PLEKHH1: variants seen among roughly 807,000 people sequenced by gnomAD.
The protein encoded by PLEKHH1 is pleckstrin homology domain-containing family H member 1.
A neutral mutation model predicts 160.0 loss-of-function variants in PLEKHH1; 104 were observed. The ratio of observed to expected loss-of-function variants is 0.65; its 90% confidence interval spans 0.55 to 0.76. PLEKHH1 has a LOEUF of 0.76. Ranked by LOEUF, PLEKHH1 falls within the 30% of genes least tolerant of loss-of-function variation. PLEKHH1 has a pLI of 0.00. For synonymous variants in PLEKHH1, 619 were observed against 678.4 expected (o/e 0.91, Z 1.36); for missense variants, 1,427 against 1,724.1 (o/e 0.83, Z 3.05).
chr14:67,589,565 A>G lies in PLEKHH1; in HGVS notation c.*2330A>G. On this transcript the variant is annotated 3_prime_UTR_variant, in exon 29 of 29. Transcript: ENST00000329153. ...GTGTGTTTTGGAAGATCTGTTTATT[A>G]ACAGTAAATAAATAAGCCCTGTACA... The G allele has an allele frequency of 1.0e-6, 1 of 985,434 alleles. No homozygotes were observed. The highest frequency in any genetic ancestry group is 1.2e-6 in the Non-Finnish European group (1 of 829,902). 61.0% of individuals were successfully genotyped at this position (985,434 alleles called of 1,614,324 possible).
chr14:67,579,624 T>C, intron 21 of PLEKHH1, 97 bp from the exon 22 acceptor site: 3 of 1,235,478 alleles, frequency 2.4e-6, no homozygotes, highest in South Asian at 1.5e-5. Flanking sequence ...TATTTGCCCT[T>C]GCTCCTTTCC....
At chr14:67,586,864 T>C in intron 28 of PLEKHH1, 2 of 1,513,848 alleles carry the variant, frequency 1.3e-6, no homozygotes, top group East Asian at 2.6e-5. Context: ...ACTGTGCATC[T>C]GAGAGGATCT....
At position 67,563,896 on chromosome 14, in the gene PLEKHH1, GCTAA is replaced by G. The variant is rs1354351785; in HGVS notation, c.1263+1005_1263+1008del. Among the ~76,000 whole-genome samples, 145 of 105,398 alleles carry G rather than the reference GCTAA, an allele frequency of 1.4e-3. 1 individual carries two copies. Among genetic ancestry groups the G allele is most frequent in the Non-Finnish European group, 8.3e-4 (42 of 50,528 alleles). 69.1% of individuals were successfully genotyped at this position (105,398 alleles called of 152,430 possible). ...TTACAGGTGTGTGCCACCATGCCCGGCTAACTGTTTTTTTTTTTTTTCTGAGACA... is the reference window on the plus strand; with the variant it reads ...TTACAGGTGTGTGCCACCATGCCCGGCTGTTTTTTTTTTTTTTCTGAGACA... On this transcript the variant is annotated intron_variant, in intron 7 of 28. Coordinates refer to ENST00000329153, the MANE Select transcript of PLEKHH1 (RefSeq NM_020715.3).
At chr14:67,535,467 G>A (rs1360379910) in intron 1 of PLEKHH1, among the ~76,000 whole-genome samples, 6 of 127,082 alleles carry the variant, frequency 4.7e-5, no homozygotes, top group Middle Eastern at 6.6e-3. Flanking sequence ...TACAACCTCC[G>A]CCTCCAGGGT....
intron 2 of PLEKHH1, among the ~76,000 whole-genome samples, chr14:67,549,708 C>T (rs918375284): frequency 1.3e-5 from 2 of 152,234 alleles, no homozygotes; most frequent in African/African-American, 4.8e-5. Flanking sequence ...GGGGCTACGG[C>T]TCCAGGCTGC....
At position 67,573,870 on chromosome 14, in the gene PLEKHH1, G is replaced by A. The variant is rs377660207; in HGVS notation, c.1909G>A (p.Gly637Ser). Residue 637 changes from glycine (G) to serine (S), a missense_variant, in exon 13 of 29, where the codon GGT becomes AGT. Gly to Ser is a moderately conservative substitution (Grantham distance 56, BLOSUM62 0). Transcript: ENST00000329153. The surrounding 1 kb of genome is among the most constrained non-coding windows in gnomAD (Gnocchi z 4.8). The part of the protein sequence containing the change: ...NSRCQIVRGE[G>S]SQTFQLISEK... ...CCGCTGCCAAATTGTTCGAGGGGAG[G>A]GTTCACAGACGTTTCAGGTGAGCAC... 126 of 1,613,212 alleles carry A rather than the reference G, an allele frequency of 7.8e-5. No individual in the cohort carries two copies. Among genetic ancestry groups the A allele is most frequent in the Non-Finnish European group, 9.3e-5 (110 of 1,179,292 alleles).
chr14:67,564,887 T>C (rs934505564), intron 7 of PLEKHH1, among the ~76,000 whole-genome samples: 2 of 152,066 alleles, frequency 1.3e-5, no homozygotes, highest in Non-Finnish European at 2.9e-5. Flanking sequence ...GGGCTAACAC[T>C]ATGCTGTTGC....
chr14:67,541,686 G>A, intron 1 of PLEKHH1, 148 bp from the exon 2 acceptor site: 2 of 528,338 alleles, frequency 3.8e-6, no homozygotes, highest in Non-Finnish European at 3.2e-6. Flanking sequence ...GGGGCCCTGG[G>A]GATCAGTGAC....
intron 28 of PLEKHH1, chr14:67,586,707 T>TA: frequency 2.5e-6 from 2 of 815,924 alleles, no homozygotes; most frequent in Non-Finnish European, 3.4e-6. Context: ...TTTTTAATCC[T>TA]AAAGTTAGAG....
intron 2 of PLEKHH1, among the ~76,000 whole-genome samples, chr14:67,551,761 C>T (rs1000526191): frequency 2.0e-5 from 3 of 151,880 alleles, no homozygotes; most frequent in South Asian, 2.1e-4. Context: ...TGGTGGTGCA[C>T]GTTTGTAATC....
At chr14:67,545,157 G>A (rs2034126959) in intron 2 of PLEKHH1, among the ~76,000 whole-genome samples, 1 of 152,146 alleles carries the variant, frequency 6.6e-6, no homozygotes, top group Admixed American at 6.5e-5. Context: ...TTTGAAGATG[G>A]GTCATCTGAT....
chr14:67,553,159 G>A (rs771977174), intron 2 of PLEKHH1, among the ~76,000 whole-genome samples: 12 of 152,168 alleles, frequency 7.9e-5, no homozygotes, highest in Middle Eastern at 3.2e-3. Context: ...TCAGCCAATC[G>A]TTTCAGAATG....
rs770626449 is a variant in PLEKHH1 at position 67,577,322 on chromosome 14, C to A, written c.2482C>A (p.Pro828Thr). The A allele has an allele frequency of 1.3e-6, 2 of 1,574,212 alleles. No homozygotes were observed. Among genetic ancestry groups the A allele is most frequent in the African/African-American group, 2.7e-5 (2 of 73,960 alleles). Residue 828 changes from proline to threonine, a missense_variant, in exon 18 of 29, where the codon CCC becomes ACC. Pro to Thr is a conservative substitution (Grantham distance 38). Around this residue, in one of 6 missense-constraint regions of PLEKHH1, gnomAD observed 436 missense variants for 607.5 expected, o/e 0.72. Coordinates refer to ENST00000329153, the MANE Select transcript of PLEKHH1 (RefSeq NM_020715.3). ...GDPDSPLWRH[P>T]MLCYSKDGLY... The stretch of plus-strand genomic sequence containing the variant: ...GGCAGATTCGCCGCTCTGGAGGCAC[C>A]CCATGCTGTGCTACAGCAAAGACGG...
At chr14:67,535,170 G>T (rs781475416) in intron 1 of PLEKHH1, among the ~76,000 whole-genome samples, 13 of 152,318 alleles carry the variant, frequency 8.5e-5, no homozygotes, top group Middle Eastern at 3.4e-3. Context: ...AATGCCTGTA[G>T]ATGCTCTGAA....
Position 67,574,353 on chromosome 14 carries a change from G to A in PLEKHH1, c.2038G>A (p.Ala680Thr), listed in dbSNP as rs771760426. Residue 680 changes from alanine (A) to threonine (T), a missense_variant, in exon 14 of 29, where the codon GCT (alanine) becomes ACT (threonine). By Grantham distance (58) the Ala-to-Thr change is moderately conservative. Coordinates refer to ENST00000329153, the MANE Select transcript of PLEKHH1 (RefSeq NM_020715.3). The surrounding 1 kb of genome is among the most constrained non-coding windows in gnomAD (Gnocchi z 4.2). Reference sequence around the variant, plus strand: ...GAAGGTGCAGGCCACCGGGCCTCCAGCTCTGCTTCGGGGTGGCACCAAGCC... The same window carrying A: ...GAAGGTGCAGGCCACCGGGCCTCCAACTCTGCTTCGGGGTGGCACCAAGCC... ...LLKVQATGPP[A>T]LLRGGTKPTV... 5 of 1,595,846 alleles carry A rather than the reference G, an allele frequency of 3.1e-6. No individual in the cohort carries two copies. The highest frequency in any genetic ancestry group is 4.3e-6 in the Non-Finnish European group (5 of 1,171,332).
At chr14:67,575,652 G>A in intron 15 of PLEKHH1, 171 bp from the exon 16 acceptor site, 9 of 702,618 alleles carry the variant, frequency 1.3e-5, no homozygotes, top group Non-Finnish European at 2.2e-5. Flanking sequence ...GCTTCTCCAA[G>A]CAAGCCTCAT....
At chr14:67,546,297 T>C in intron 2 of PLEKHH1, among the ~76,000 whole-genome samples, 1 of 152,154 alleles carries the variant, frequency 6.6e-6, no homozygotes, top group East Asian at 1.9e-4. Flanking sequence ...GTGACAAAAA[T>C]TAAGGGTTGA....
chr14:67,541,694 G>A (rs945621095), intron 1 of PLEKHH1, 140 bp from the exon 2 acceptor site: 4 of 555,892 alleles, frequency 7.2e-6, no homozygotes, highest in Non-Finnish European at 1.2e-5. Context: ...GGGGATCAGT[G>A]ACCAATTCTC....
chr14:67,578,394 A>T lies in PLEKHH1; in HGVS notation c.2752-140A>T. The T allele has an allele frequency of 1.3e-6, 1 of 768,642 alleles. No homozygotes were observed. The highest frequency in any genetic ancestry group is 2.2e-6 in the Non-Finnish European group (1 of 457,442). 47.6% of individuals were successfully genotyped at this position (768,642 alleles called of 1,614,324 possible). On this transcript the variant is annotated intron_variant, in intron 19 of 28. Coordinates refer to ENST00000329153, the MANE Select transcript of PLEKHH1 (RefSeq NM_020715.3). The surrounding 1 kb of genome is among the most constrained non-coding windows in gnomAD (Gnocchi z 5.0). The stretch of plus-strand genomic sequence containing the variant: ...TTGCATTCTGGACACAGCCTGACCA[A>T]GTTGGCCATCCCAGCACCCAGAGCA...
Sources: gnomAD v4.1 joint callset for allele counts (sites outside exome capture counted in the v4.1 genomes callset) on GRCh38, gnomAD v4.1.1 for gene constraint, gnomAD v4.1.1 regional missense constraint, Gnocchi (gnomAD v3.1) non-coding constraint, MANE v1.5 for transcripts, NCBI Gene and HGNC (gene_info 2026-07-23, HGNC 2026-07-21) for gene names.